Variants in DOCK6 observed in about 807,000 individuals in gnomAD.
The protein encoded by DOCK6 is dedicator of cytokinesis 6.
In DOCK6, 167 loss-of-function variants were observed where a neutral mutation model predicts 230.3. The observed-to-expected ratio is 0.73, with a 90% CI of 0.64 to 0.82. DOCK6 has a LOEUF of 0.82. Among genes scored for constraint, DOCK6 ranks in the 40% least tolerant of loss-of-function variants. The pLI is 0.00. For missense variants in DOCK6, 2,598 were observed against 2,825.8 expected, an observed-to-expected ratio of 0.92 and a Z score of 1.83; for synonymous variants, 1,148 against 1,185.0, an observed-to-expected ratio of 0.97 and a Z score of 0.64.
In DOCK6 at chr19:11,213,042, T is replaced by G. The variant is rs1248279776; in HGVS notation, c.4491+134A>C. ...TGAGCCACGGCACCTGACCCCCAAT[T>G]GCATTCTGAGCCCTCCTCCTGCTCA... On this transcript the variant is annotated intron_variant, in intron 35 of 47. Coordinates refer to ENST00000294618, the MANE Select transcript of DOCK6 (RefSeq NM_020812.4). The G allele has an allele frequency of 8.1e-6, 10 of 1,228,122 alleles. No individual in the cohort carries two copies. The East Asian group carries it at 2.6e-4, about 31-fold the overall frequency. 76.1% of individuals were successfully genotyped at this position (1,228,122 alleles called of 1,614,324 possible).
chr19:11,199,638 C>T lies in DOCK6; in HGVS notation c.6102-99G>A, dbSNP rs1050887397. On this transcript the variant is annotated intron_variant, in intron 47 of 47. Transcript: ENST00000294618. Reference sequence around the variant, plus strand: ...CTTCCTCCTCCTCCTCGTCTTCCTCCAAGGATCCTTCTGGGATCTCTCCTG... The same window carrying T: ...CTTCCTCCTCCTCCTCGTCTTCCTCTAAGGATCCTTCTGGGATCTCTCCTG... 12 of 1,309,088 alleles carry T rather than the reference C, an allele frequency of 9.2e-6. No individual in the cohort carries two copies. In the Admixed American group the frequency reaches 2.4e-4, roughly 26 times the overall value. The allele number at this position is 1,309,088 out of a possible 1,614,324, so 81.1% of individuals were successfully genotyped here. A position where few individuals can be genotyped will look rare whatever the true frequency, so the allele number is the denominator to read the frequency against.
Position 11,236,239 on chromosome 19 carries a change from G to T in DOCK6, c.2392+107C>A. On this transcript the variant is annotated intron_variant, in intron 20 of 47. Coordinates refer to ENST00000294618, the MANE Select transcript of DOCK6 (RefSeq NM_020812.4). This position sits in a 1 kb window ranked among gnomAD's most constrained non-coding sequence, Gnocchi z 5.2. Reference sequence around the variant, plus strand: ...GGACTGGAGGTCATTTTTCAGATGAGAAAAATGGCCAGAGAGGTAAATGGG... The same window carrying T: ...GGACTGGAGGTCATTTTTCAGATGATAAAAATGGCCAGAGAGGTAAATGGG... 1 of 1,134,778 alleles carries T rather than the reference G, an allele frequency of 8.8e-7. No individual in the cohort carries two copies. 70.3% of individuals were successfully genotyped at this position (1,134,778 alleles called of 1,614,324 possible). A position where few individuals can be genotyped will look rare whatever the true frequency, so the allele number is the denominator to read the frequency against.
chr19:11,249,962 T>C (rs1005545738), intron 6 of DOCK6, among the ~76,000 whole-genome samples: 1 of 134,886 alleles, frequency 7.4e-6, no homozygotes, highest in African/African-American at 2.7e-5. Flanking sequence ...GCCCAATAAA[T>C]ACTGGTTAGC....
rs1162515103 is a variant in DOCK6 at position 11,201,300 on chromosome 19, G to C, written c.5689-248C>G. 6.6e-6 allele frequency among the ~76,000 whole-genome samples: 1 copy of C among 152,062 alleles called. No homozygotes were observed. The highest frequency in any genetic ancestry group is 1.5e-5 in the Non-Finnish European group (1 of 67,990). ...AGACTTCCTTGGGTCTGGAGGTAGA[G>C]ATTTGGACTGGAAGTTGGAGTTTGG... On this transcript the variant is annotated intron_variant, in intron 44 of 47. Coordinates refer to ENST00000294618, the MANE Select transcript of DOCK6 (RefSeq NM_020812.4). This position sits in a 1 kb window ranked among gnomAD's most constrained non-coding sequence, Gnocchi z 4.3.
chr19:11,217,411 G>A lies in DOCK6; in HGVS notation c.3551-20C>T, dbSNP rs1411281081. ...GGCCCTCTGGCAGGGAAAGACAGAG[G>A]GAAAGAAAGATAAACCCTTGGTAAG... On this transcript the variant is annotated intron_variant, in intron 28 of 47. Coordinates refer to ENST00000294618, the MANE Select transcript of DOCK6 (RefSeq NM_020812.4). 3 of 1,608,290 alleles carry A rather than the reference G, an allele frequency of 1.9e-6. No individual in the cohort carries two copies. The highest frequency in any genetic ancestry group is 2.5e-6 in the Non-Finnish European group (3 of 1,177,452).
chr19:11,200,883 T>C lies in DOCK6; in HGVS notation c.5832+26A>G, dbSNP rs1414734121. On this transcript the variant is annotated intron_variant, in intron 45 of 47. Coordinates refer to ENST00000294618, the MANE Select transcript of DOCK6 (RefSeq NM_020812.4). The surrounding 1 kb of genome is among the most constrained non-coding windows in gnomAD (Gnocchi z 4.3). ...TGGCACCTGGAGTCCCCCGTGCGGCTTGCATCCCCCTTCCACCAGCCGTGC... is the reference window on the plus strand; with the variant it reads ...TGGCACCTGGAGTCCCCCGTGCGGCCTGCATCCCCCTTCCACCAGCCGTGC... 3.7e-6 allele frequency: 6 copies of C among 1,613,602 alleles called. No homozygotes were observed. The highest frequency in any genetic ancestry group is 1.1e-5 in the South Asian group (1 of 91,032).
chr19:11,219,868 C>T (rs956120552), intron 28 of DOCK6, among the ~76,000 whole-genome samples: 3 of 151,718 alleles, frequency 2.0e-5, no homozygotes, highest in African/African-American at 4.8e-5. Flanking sequence ...ACTTTATGGA[C>T]GAAGAAATTG....
Position 11,202,511 on chromosome 19 carries a change from A to G in DOCK6, c.5362-28T>C. 6.2e-7 allele frequency: 1 copy of G among 1,613,296 alleles called. No individual in the cohort carries two copies. Among genetic ancestry groups the G allele is most frequent in the Non-Finnish European group, 8.5e-7 (1 of 1,179,518 alleles). ...GGAGACACAGGGCTGACTCGGGGCC[A>G]CCCAGGGACAGCCCCTACTCCAGCC... On this transcript the variant is annotated intron_variant, in intron 42 of 47. Transcript: ENST00000294618. The surrounding 1 kb of genome is among the most constrained non-coding windows in gnomAD (Gnocchi z 5.3).
chr19:11,242,753 T>G (rs572624202), intron 13 of DOCK6, among the ~76,000 whole-genome samples: 13 of 152,130 alleles, frequency 8.5e-5, no homozygotes, highest in Non-Finnish European at 1.6e-4. Context: ...CCTCCCAAAG[T>G]GTTGGCGTTA....
In DOCK6 at chr19:11,222,927, C is replaced by A. The variant is rs1479303254; in HGVS notation, c.3070-22G>T. ...CCACCTGCAGGAGAGGGGTGGCCAT[C>A]AGTGATGTCAACATTGCTCCGCCTT... On this transcript the variant is annotated intron_variant, in intron 25 of 47. Transcript: ENST00000294618. The surrounding 1 kb of genome is among the most constrained non-coding windows in gnomAD (Gnocchi z 4.0). 6.2e-7 allele frequency: 1 copy of A among 1,612,332 alleles called. No homozygotes were observed. Among genetic ancestry groups the A allele is most frequent in the South Asian group, 1.1e-5 (1 of 90,888 alleles).
intron 1 of DOCK6, among the ~76,000 whole-genome samples, chr19:11,261,392 A>G (rs918882285): frequency 1.3e-4 from 16 of 127,660 alleles, no homozygotes; most frequent in African/African-American, 4.6e-4. Context: ...AGCACTTGTC[A>G]CTGACAGGTA....
chr19:11,205,254 G>A (rs1006650867), intron 39 of DOCK6, among the ~76,000 whole-genome samples: 3 of 152,222 alleles, frequency 2.0e-5, no homozygotes, highest in South Asian at 4.1e-4. Flanking sequence ...TGCGCAGAAC[G>A]TGCAGTTTTG....
intron 1 of DOCK6, among the ~76,000 whole-genome samples, chr19:11,257,433 A>G (rs559573964): frequency 1.0e-4 from 14 of 137,864 alleles, no homozygotes; most frequent in African/African-American, 3.7e-4. Flanking sequence ...TTGAGGCTGC[A>G]GTGATGGCAC....
intron 14 of DOCK6, chr19:11,240,331 CCT>C: frequency 6.0e-6 from 9 of 1,504,002 alleles, no homozygotes; most frequent in Non-Finnish European, 8.0e-6. Flanking sequence ...GGGCTGAGAC[CCT>C]GATTTCCGGC....
intron 14 of DOCK6, chr19:11,238,530 G>T (rs1599260953): frequency 3.6e-6 from 2 of 560,494 alleles, no homozygotes; most frequent in East Asian, 5.9e-5. Flanking sequence ...AACACAGATT[G>T]GGAACAGTGT....
chr19:11,250,624 T>C (rs2080102587), intron 6 of DOCK6, among the ~76,000 whole-genome samples: 1 of 152,066 alleles, frequency 6.6e-6, no homozygotes, highest in Non-Finnish European at 1.5e-5. Flanking sequence ...AGCTATTAAA[T>C]AAGCATAGGG....
chr19:11,255,940 C>G (rs1390961949), intron 1 of DOCK6, among the ~76,000 whole-genome samples: 3 of 152,118 alleles, frequency 2.0e-5, no homozygotes, highest in African/African-American at 7.2e-5. Flanking sequence ...GCGCCCACCA[C>G]TACGCCCAGC....
In DOCK6 at chr19:11,221,967, C is replaced by G; in HGVS notation, c.3434G>C (p.Gly1145Ala). The change falls in exon 28 of 48, where the codon GGC (glycine) becomes GCC (alanine). Residue 1145 changes from glycine (G) to alanine (A), a missense_variant. Transcript: ENST00000294618. Reference sequence around the variant, plus strand: ...GGCGTAGCGGGGGTCAGTGTCATGGCCACATAGCAGGCTGTGCACAGCACT... The same window carrying G: ...GGCGTAGCGGGGGTCAGTGTCATGGGCACATAGCAGGCTGTGCACAGCACT... ...AISAVHSLLCGHDTDPRYAEA... is the reference protein window; with the variant it reads ...AISAVHSLLCAHDTDPRYAEA... 1 of 1,613,868 alleles carries G rather than the reference C, an allele frequency of 6.2e-7. No individual in the cohort carries two copies.
In DOCK6 at chr19:11,204,220, A is replaced by T. The variant is rs770708378; in HGVS notation, c.5200T>A (p.Phe1734Ile). 1.3e-6 allele frequency: 2 copies of T among 1,562,380 alleles called. No homozygotes were observed. Among genetic ancestry groups the T allele is most frequent in the South Asian group, 2.3e-5 (2 of 85,460 alleles). ...AAVHGKLQEA[F>I]TKIMHQSSGW... ...CCCACCTGGTGCATGATCTTGGTGA[A>T]GGCCTCCTGCAGTTTGCCGTGCACC... The change falls in exon 40 of 48, where the codon TTC becomes ATC. Residue 1734 changes from phenylalanine to isoleucine, a missense_variant. Physicochemically the swap from Phe to Ile is conservative, Grantham distance 21 (BLOSUM62 0). Transcript: ENST00000294618.
Sources: gnomAD v4.1 joint callset for allele counts (sites outside exome capture counted in the v4.1 genomes callset) on GRCh38, gnomAD v4.1.1 for gene constraint, Gnocchi (gnomAD v3.1) non-coding constraint, MANE v1.5 for transcripts, NCBI Gene and HGNC (gene_info 2026-07-23, HGNC 2026-07-21) for gene names.